OR4K17: variants seen among roughly 807,000 people sequenced by gnomAD.
OR4K17 encodes the protein olfactory receptor 4K17.
For synonymous variants in OR4K17, 157 were observed against 132.8 expected, an observed-to-expected ratio of 1.18 and a Z score of -1.25; for missense variants, 480 against 366.3, an observed-to-expected ratio of 1.31 and a Z score of -2.53.
chr14:20,120,138 T>C lies in OR4K17; in HGVS notation c.*1700T>C, dbSNP rs1878127995. The C allele has an allele frequency of 6.6e-6, 1 of 152,230 alleles. No individual in the cohort carries two copies. The highest frequency in any genetic ancestry group is 2.4e-5 in the African/African-American group (1 of 41,472). 9.4% of individuals were successfully genotyped at this position (152,230 alleles called of 1,614,324 possible). ...GATGTAAATGAAATAAAGTGAATCC[T>C]CAAAATGTCTGTCACATTTTTACTG... On this transcript the variant is annotated 3_prime_UTR_variant, in exon 2 of 2. Coordinates refer to ENST00000641386, the MANE Select transcript of OR4K17 (RefSeq NM_001004715.5).
At chr14:20,114,742 G>T (rs951613623) in intron 1 of OR4K17, among the ~76,000 whole-genome samples, 1 of 151,974 alleles carries the variant, frequency 6.6e-6, no homozygotes. Context: ...GTGACTGAAT[G>T]GTTCAGTTCC....
At chr14:20,112,758 G>T (rs1167199103) in intron 1 of OR4K17, among the ~76,000 whole-genome samples, 1 of 151,968 alleles carries the variant, frequency 6.6e-6, no homozygotes, top group Non-Finnish European at 1.5e-5. Flanking sequence ...TGAGTTTGTT[G>T]TTCCGGAGTG....
rs1878128442 is a variant in OR4K17 at position 20,120,153 on chromosome 14, C to T, written c.*1715C>T. The T allele has an allele frequency of 6.6e-6, 1 of 152,144 alleles. No homozygotes were observed. Among genetic ancestry groups the T allele is most frequent in the Non-Finnish European group, 1.5e-5 (1 of 68,038 alleles). The allele number at this position is 152,144 out of a possible 1,614,324, so 9.4% of individuals were successfully genotyped here. On this transcript the variant is annotated 3_prime_UTR_variant, in exon 2 of 2. Coordinates refer to ENST00000641386, the MANE Select transcript of OR4K17 (RefSeq NM_001004715.5). ...AAGTGAATCCTCAAAATGTCTGTCA[C>T]ATTTTTACTGTATAATTGAGTTAAA...
At position 20,117,936 on chromosome 14, in the gene OR4K17, T is replaced by C. The variant is rs369070157; in HGVS notation, c.437T>C (p.Val146Ala). Reference sequence around the variant, plus strand: ...AAGAAGGTATGTGTTTTGCTTGTAGTGACCTCATGGCTCTTGGGTCTCCTT... The same window carrying C: ...AAGAAGGTATGTGTTTTGCTTGTAGCGACCTCATGGCTCTTGGGTCTCCTT... ...MNKKVCVLLV[V>A]TSWLLGLLHS... is the part of the protein sequence containing the mutation. Residue 146 changes from valine to alanine, a missense_variant, in exon 2 of 2, where the codon GTG becomes GCG. Physicochemically the swap from Val to Ala is moderately conservative, Grantham distance 64. Coordinates refer to ENST00000641386, the MANE Select transcript of OR4K17 (RefSeq NM_001004715.5). 1 of 1,614,030 alleles carries C rather than the reference T, an allele frequency of 6.2e-7. No homozygotes were observed. Among genetic ancestry groups the C allele is most frequent in the African/African-American group, 1.3e-5 (1 of 74,912 alleles).
At chr14:20,114,357 A>C (rs1159950567) in intron 1 of OR4K17, among the ~76,000 whole-genome samples, 1 of 151,990 alleles carries the variant, frequency 6.6e-6, no homozygotes, top group Non-Finnish European at 1.5e-5. Context: ...ATTTAGTTTT[A>C]CATATTGCAT....
In OR4K17 at chr14:20,118,705, C is replaced by A; in HGVS notation, c.*267C>A. 3.6e-6 allele frequency: 1 copy of A among 280,972 alleles called. No homozygotes were observed. The highest frequency in any genetic ancestry group is 6.7e-6 in the Non-Finnish European group (1 of 148,630). 17.4% of individuals were successfully genotyped at this position (280,972 alleles called of 1,614,324 possible). On this transcript the variant is annotated 3_prime_UTR_variant, in exon 2 of 2. Transcript: ENST00000641386. ...ACCAGCAAGTTTTTATTATGGATTT[C>A]AAAAGGGAGGCAGTGTACGAATAGG...
intron 1 of OR4K17, among the ~76,000 whole-genome samples, chr14:20,115,481 A>G (rs1035825205): frequency 1.3e-5 from 2 of 152,090 alleles, no homozygotes; most frequent in African/African-American, 4.8e-5. Flanking sequence ...TTCATTAAAG[A>G]TGCAATATTA....
chr14:20,117,806 C>T lies in OR4K17; in HGVS notation c.307C>T (p.Leu103Phe), dbSNP rs772021628. ...SFAGCFTQIF[L>F]LHLLGGVEMV... ...TGCTGGGTGCTTCACTCAGATATTT[C>T]TCCTTCACTTACTGGGTGGGGTTGA... is the stretch of plus-strand genomic sequence containing the variant. Residue 103 changes from leucine to phenylalanine, a missense_variant, in exon 2 of 2, where the codon CTC becomes TTC. Coordinates refer to ENST00000641386, the MANE Select transcript of OR4K17 (RefSeq NM_001004715.5). The T allele has an allele frequency of 9.9e-6, 16 of 1,613,996 alleles. No homozygotes were observed. The East Asian group carries it at 3.1e-4, about 31-fold the overall frequency.
rs78571095 is a variant in OR4K17, at chr14:20,118,837, A to G, written c.*399A>G. ...AGGGTGAAATTAACATTGCTAATGA[A>G]GTTTTATGCCCCACTGGGCACTCAT... is the stretch of plus-strand genomic sequence containing the variant. On this transcript the variant is annotated 3_prime_UTR_variant, in exon 2 of 2. Coordinates refer to ENST00000641386, the MANE Select transcript of OR4K17 (RefSeq NM_001004715.5). 0.015 allele frequency: 2,482 copies of G among 165,114 alleles called. 59 individuals carry two copies. Among genetic ancestry groups the G allele is most frequent in the African/African-American group, 0.049 (2,045 of 41,618 alleles). 10.2% of individuals were successfully genotyped at this position (165,114 alleles called of 1,614,324 possible). A position where few individuals can be genotyped will look rare whatever the true frequency, so the allele number is the denominator to read the frequency against.
intron 1 of OR4K17, among the ~76,000 whole-genome samples, chr14:20,113,329 T>C (rs1159660308): frequency 1.3e-5 from 2 of 152,080 alleles, no homozygotes; most frequent in Non-Finnish European, 2.9e-5. Context: ...TCAACAATTA[T>C]AGTTATTCAA....
rs953563248 is a variant in OR4K17 at position 20,117,935 on chromosome 14, G to C, written c.436G>C (p.Val146Leu). Residue 146 changes from valine to leucine, a missense_variant, in exon 2 of 2, where the codon GTG becomes CTG. Transcript: ENST00000641386. Reference protein sequence around the residue: ...MNKKVCVLLVVTSWLLGLLHS... With the variant: ...MNKKVCVLLVLTSWLLGLLHS... The stretch of plus-strand genomic sequence containing the variant: ...CAAGAAGGTATGTGTTTTGCTTGTA[G>C]TGACCTCATGGCTCTTGGGTCTCCT... 9.3e-6 allele frequency: 15 copies of C among 1,613,948 alleles called. No homozygotes were observed. Among genetic ancestry groups the C allele is most frequent in the Non-Finnish European group, 1.3e-5 (15 of 1,180,004 alleles).
intron 1 of OR4K17, 47 bp downstream of exon 1, chr14:20,110,939 G>A (rs1458325926): frequency 6.6e-6 from 1 of 152,010 alleles, no homozygotes; most frequent in African/African-American, 2.4e-5. Flanking sequence ...GTATTTGCCT[G>A]TCACAGTTCA....
At chr14:20,113,658 G>A (rs1298859025) in intron 1 of OR4K17, among the ~76,000 whole-genome samples, 3 of 151,902 alleles carry the variant, frequency 2.0e-5, no homozygotes, top group Non-Finnish European at 4.4e-5. Flanking sequence ...GACTATAATG[G>A]TACAGAAAAC....
At chr14:20,117,034 T>C (rs1210773698) in intron 1 of OR4K17, among the ~76,000 whole-genome samples, 1 of 152,122 alleles carries the variant, frequency 6.6e-6, no homozygotes, top group East Asian at 1.9e-4. Flanking sequence ...AAACAGAATT[T>C]CTTAAGGTCA....
At chr14:20,111,278 A>G (rs1877877919) in intron 1 of OR4K17, among the ~76,000 whole-genome samples, 1 of 152,056 alleles carries the variant, frequency 6.6e-6, no homozygotes, top group African/African-American at 2.4e-5. Flanking sequence ...ATAAATAACT[A>G]TATTATAGGT....
intron 1 of OR4K17, among the ~76,000 whole-genome samples, chr14:20,116,540 T>C (rs1053269040): frequency 2.0e-5 from 3 of 152,140 alleles, no homozygotes; most frequent in African/African-American, 4.8e-5. Context: ...AGGGTTCAGG[T>C]ATAAATTGTT....
At chr14:20,113,866 T>A (rs1214636770) in intron 1 of OR4K17, among the ~76,000 whole-genome samples, 1 of 151,544 alleles carries the variant, frequency 6.6e-6, no homozygotes, top group African/African-American at 2.4e-5. Context: ...AATACATAAT[T>A]TTTTATATCA....
chr14:20,113,879 T>G (rs1423288097), intron 1 of OR4K17, among the ~76,000 whole-genome samples: 1 of 151,984 alleles, frequency 6.6e-6, no homozygotes, highest in African/African-American at 2.4e-5. Context: ...TTATATCAGA[T>G]AGAGAATTTT....
chr14:20,118,061 G>C lies in OR4K17; in HGVS notation c.562G>C (p.Ala188Pro). The C allele has an allele frequency of 1.9e-6, 3 of 1,614,104 alleles. No homozygotes were observed. Among genetic ancestry groups the C allele is most frequent in the Non-Finnish European group, 1.7e-6 (2 of 1,180,014 alleles). ...TGACCTCCCTTTGGTTACTAAGCTT[G>C]CCTGTATAGACATATATTTTGTACA... ...FCDLPLVTKL[A>P]CIDIYFVQVV... is the part of the protein sequence containing the mutation. Residue 188 changes from alanine to proline, a missense_variant, in exon 2 of 2, where the codon GCC becomes CCC. Ala to Pro is a conservative substitution (Grantham distance 27). Coordinates refer to ENST00000641386, the MANE Select transcript of OR4K17 (RefSeq NM_001004715.5).
Sources: gnomAD v4.1 joint callset for allele counts (sites outside exome capture counted in the v4.1 genomes callset) on GRCh38, gnomAD v4.1.1 for gene constraint, MANE v1.5 for transcripts, NCBI Gene and HGNC (gene_info 2026-07-23, HGNC 2026-07-21) for gene names.